GPC6: variants seen among roughly 807,000 people sequenced by gnomAD.
The protein encoded by GPC6 is glypican-6.
Under a neutral mutation model 55.2 loss-of-function variants are expected in GPC6, and 14 were observed. That is an observed-to-expected ratio of 0.25 (90% CI 0.17 to 0.40). The LOEUF (loss-of-function observed/expected upper bound fraction) is 0.40, where lower values mean the gene tolerates loss of function less well. GPC6 is among the 10% of genes least tolerant of loss of function. The probability of loss-of-function intolerance (pLI) is 1.00; values close to 1 mark genes in which losing one functional copy is unlikely to be tolerated. For synonymous variants in GPC6, 278 were observed against 259.6 expected, an observed-to-expected ratio of 1.07 and a Z score of -0.68; for missense variants, 641 against 708.5, an observed-to-expected ratio of 0.90 and a Z score of 1.08.
chr13:94,311,109 C>A (rs1185782597), intron 6 of GPC6, among the ~76,000 whole-genome samples: 2 of 152,166 alleles, frequency 1.3e-5, no homozygotes, highest in Non-Finnish European at 2.9e-5. Context: ...AGATTACCCC[C>A]AATATGGGGC....
intron 2 of GPC6, among the ~76,000 whole-genome samples, chr13:93,624,747 C>A (rs1475334154): frequency 6.6e-6 from 1 of 152,146 alleles, no homozygotes; most frequent in Non-Finnish European, 1.5e-5. Context: ...GAAAAGATGT[C>A]AATCAACATA....
chr13:93,456,350 T>C (rs1032509235), intron 1 of GPC6, among the ~76,000 whole-genome samples: 5 of 152,170 alleles, frequency 3.3e-5, no homozygotes, highest in African/African-American at 1.2e-4. Context: ...GCATATTTTC[T>C]TAGTTATAGA....
At chr13:93,687,637 AG>A (rs1882097750) in intron 2 of GPC6, among the ~76,000 whole-genome samples, 1 of 152,086 alleles carries the variant, frequency 6.6e-6, no homozygotes, top group African/African-American at 2.4e-5. Flanking sequence ...ATATTTTGTA[AG>A]GCTTAAACAA....
At chr13:94,280,543 G>A (rs1403062452) in intron 4 of GPC6, among the ~76,000 whole-genome samples, 1 of 152,166 alleles carries the variant, frequency 6.6e-6, no homozygotes, top group Non-Finnish European at 1.5e-5. Context: ...AGACAGCAGT[G>A]CCCCTAGTTA....
At chr13:93,847,255 G>T (rs887645547) in intron 3 of GPC6, among the ~76,000 whole-genome samples, 1 of 152,078 alleles carries the variant, frequency 6.6e-6, no homozygotes, top group Non-Finnish European at 1.5e-5. Flanking sequence ...TGGAGGAGAC[G>T]CATTAATACA....
intron 4 of GPC6, among the ~76,000 whole-genome samples, chr13:94,103,692 A>G (rs1431627828): frequency 6.6e-6 from 1 of 152,090 alleles, no homozygotes; most frequent in Non-Finnish European, 1.5e-5. Flanking sequence ...TTCTTTTGAG[A>G]AGTGTCTGTT....
At chr13:93,414,178 T>C (rs1876609319) in intron 1 of GPC6, among the ~76,000 whole-genome samples, 1 of 152,152 alleles carries the variant, frequency 6.6e-6, no homozygotes, top group African/African-American at 2.4e-5. Flanking sequence ...CCATGTCAAC[T>C]AGGTACTTCT....
intron 3 of GPC6, among the ~76,000 whole-genome samples, chr13:94,007,700 C>T (rs753886931): frequency 1.3e-5 from 2 of 152,044 alleles, no homozygotes; most frequent in Non-Finnish European, 2.9e-5. Flanking sequence ...ACCCATCAAT[C>T]AGTATGCTTA....
At chr13:93,359,666 A>G (rs933573965) in intron 1 of GPC6, among the ~76,000 whole-genome samples, 4 of 152,202 alleles carry the variant, frequency 2.6e-5, no homozygotes, top group Admixed American at 1.3e-4. Flanking sequence ...AGGCTTTGGA[A>G]GTATGAATTC....
At chr13:93,963,840 T>C (rs1034334483) in intron 3 of GPC6, among the ~76,000 whole-genome samples, 1 of 152,124 alleles carries the variant, frequency 6.6e-6, no homozygotes, top group African/African-American at 2.4e-5. Flanking sequence ...GTTGTCAAAA[T>C]AAGAGCAACC....
At position 94,115,501 on chromosome 13, in the gene GPC6, C is replaced by T. The variant is rs367618578; in HGVS notation, c.877+87607C>T. ...CTGATTTCTCTGCCTCTGGGCTAGT[C>T]TTTCATTTTACGTAGTCACAGAGAA... On this transcript the variant is annotated intron_variant, in intron 4 of 8. Transcript: ENST00000377047. Among the ~76,000 whole-genome samples, 3 of 152,220 alleles carry T rather than the reference C, an allele frequency of 2.0e-5. No homozygotes were observed. In the East Asian group the frequency reaches 5.8e-4, roughly 29 times the overall value.
chr13:93,490,499 C>CT lies in GPC6; in HGVS notation c.161-54752dup, dbSNP rs1295689738. Among the ~76,000 whole-genome samples the CT allele has an allele frequency of 4.9e-3, 89 of 18,318 alleles. 1 individual carries two copies. The highest frequency in any genetic ancestry group is 6.5e-3 in the African/African-American group (35 of 5,360). The allele number at this position is 18,318 out of a possible 152,430, so 12.0% of individuals were successfully genotyped here. On this transcript the variant is annotated intron_variant, in intron 1 of 8. Transcript: ENST00000377047. Reference sequence around the variant, plus strand: ...TTTTCAACTTGAGTGATTTTTTTTTCTTTTTTTTTTTTGAGTTTTTTTTTT... The same window carrying CT: ...TTTTCAACTTGAGTGATTTTTTTTTCTTTTTTTTTTTTTGAGTTTTTTTTTT...
intron 2 of GPC6, among the ~76,000 whole-genome samples, chr13:93,806,723 G>T (rs1441252221): frequency 6.6e-6 from 1 of 152,144 alleles, no homozygotes; most frequent in Non-Finnish European, 1.5e-5. Flanking sequence ...AATATACAAT[G>T]TTAGGATTCT....
chr13:93,598,178 A>G (rs367785092), intron 2 of GPC6, among the ~76,000 whole-genome samples: 8 of 152,224 alleles, frequency 5.3e-5, no homozygotes, highest in Non-Finnish European at 7.4e-5. Flanking sequence ...AAAAAGTTAT[A>G]TGTGGATTTT....
intron 2 of GPC6, among the ~76,000 whole-genome samples, chr13:93,654,151 C>T (rs1002804236): frequency 7.2e-5 from 11 of 152,156 alleles, no homozygotes; most frequent in Non-Finnish European, 1.2e-4. Context: ...GATCTTTTAA[C>T]TTGGCACTGA....
intron 1 of GPC6, among the ~76,000 whole-genome samples, chr13:93,390,430 A>G (rs1875579229): frequency 6.6e-6 from 1 of 152,106 alleles, no homozygotes; most frequent in Non-Finnish European, 1.5e-5. Context: ...TGAAAAGGTA[A>G]TGGGACCTCA....
chr13:94,348,969 TGC>T (rs1878411432), intron 6 of GPC6, among the ~76,000 whole-genome samples: 2 of 152,220 alleles, frequency 1.3e-5, no homozygotes, highest in African/African-American at 4.8e-5. Flanking sequence ...CTCAGAGAGT[TGC>T]ATTTATTTAT....
chr13:93,599,095 G>A (rs1877892514), intron 2 of GPC6, among the ~76,000 whole-genome samples: 1 of 152,086 alleles, frequency 6.6e-6, no homozygotes, highest in Non-Finnish European at 1.5e-5. Context: ...AGGTTAAACT[G>A]TGATTTCGTT....
chr13:93,367,400 GC>G (rs1881290416), intron 1 of GPC6, among the ~76,000 whole-genome samples: 1 of 151,982 alleles, frequency 6.6e-6, no homozygotes, highest in African/African-American at 2.4e-5. Flanking sequence ...CAAAGATTCA[GC>G]TTTTTGTTTC....
Sources: gnomAD v4.1 joint callset for allele counts (sites outside exome capture counted in the v4.1 genomes callset) on GRCh38, gnomAD v4.1.1 for gene constraint, MANE v1.5 for transcripts, NCBI Gene and HGNC (gene_info 2026-07-23, HGNC 2026-07-21) for gene names.